The following BICDL1 variants were observed in gnomAD, a reference collection of about 807,000 sequenced individuals.
The protein encoded by BICDL1 is BICD family-like cargo adapter 1.
Under a neutral mutation model 76.8 loss-of-function variants are expected in BICDL1, and 20 were observed. The observed-to-expected ratio is 0.26, with a 90% confidence interval of 0.18 to 0.38. BICDL1 has a LOEUF of 0.38. BICDL1 is among the 10% of genes least tolerant of loss of function. The pLI, the probability that BICDL1 is intolerant of heterozygous loss-of-function variation, is 1.00. For missense variants in BICDL1, 700 were observed against 798.6 expected, an observed-to-expected ratio of 0.88 and a Z score of 1.49; for synonymous variants, 383 against 337.1, an observed-to-expected ratio of 1.14 and a Z score of -1.49.
intron 8 of BICDL1, among the ~76,000 whole-genome samples, chr12:120,087,673 G>A (rs1388152609): frequency 6.6e-6 from 1 of 152,242 alleles, no homozygotes; most frequent in African/African-American, 2.4e-5. Context: ...CGTTTCTGCA[G>A]TTGGGCAACC....
chr12:120,060,236 T>G (rs1337392405), intron 2 of BICDL1, among the ~76,000 whole-genome samples: 3 of 152,240 alleles, frequency 2.0e-5, no homozygotes, highest in Non-Finnish European at 4.4e-5. Flanking sequence ...TTGAGAAGTC[T>G]AAAACAGCCT....
chr12:119,998,116 C>T (rs894841016), intron 1 of BICDL1, among the ~76,000 whole-genome samples: 5 of 152,002 alleles, frequency 3.3e-5, no homozygotes, highest in Non-Finnish European at 7.4e-5. Context: ...CACTGCACTC[C>T]AGCCTGGGCG....
chr12:120,018,957 A>G (rs2138701449), intron 2 of BICDL1: 1 of 150,022 alleles, frequency 6.7e-6, no homozygotes, highest in Non-Finnish European at 1.5e-5. Context: ...AGGCAGGAGA[A>G]TGGCGTGAAC....
chr12:120,005,818 A>G (rs775794930), intron 2 of BICDL1, among the ~76,000 whole-genome samples: 2 of 152,226 alleles, frequency 1.3e-5, no homozygotes, highest in Non-Finnish European at 2.9e-5. Flanking sequence ...CAGCTATGCC[A>G]TTGAAGGGCA....
rs191312184 is a variant in BICDL1, at chr12:120,090,644, C to G, written c.1704+573C>G. On this transcript the variant is annotated intron_variant, in intron 9 of 9. Coordinates refer to ENST00000548673, the MANE Select transcript of BICDL1 (RefSeq NM_001367886.1). ...TTTTGTTCGTGAGGTTGAGGTAGCA[C>G]AGTTTTAGGATATGGGTATAAACAT... The G allele has an allele frequency of 1.4e-3, 500 of 355,616 alleles. 2 individuals carry two copies. The highest frequency in any genetic ancestry group is 2.5e-3 in the Non-Finnish European group (449 of 181,562). The allele number at this position is 355,616 out of a possible 1,614,324, so 22.0% of individuals were successfully genotyped here. A position where few individuals can be genotyped will look rare whatever the true frequency, so the allele number is the denominator to read the frequency against.
chr12:120,089,894 G>A (rs1368746648), intron 8 of BICDL1, 57 bp from the exon 9 acceptor site: 1 of 1,594,226 alleles, frequency 6.3e-7, no homozygotes, highest in Non-Finnish European at 8.6e-7. Context: ...CCCAAGTAAA[G>A]ACCAAGATGC....
Position 119,997,236 on chromosome 12 carries a change from G to A in BICDL1, c.430-1285G>A, listed in dbSNP as rs951385849. On this transcript the variant is annotated intron_variant, in intron 1 of 9. Transcript: ENST00000548673. ...GCTGGGATTACAGGCGTGTGCCACC[G>A]CGCCTGGCCACAAAAAGATGTTTTT... Among the ~76,000 whole-genome samples the A allele has an allele frequency of 7.9e-5, 12 of 152,128 alleles. No homozygotes were observed. In the South Asian group the frequency reaches 8.3e-4, roughly 10 times the overall value.
At chr12:120,092,602 T>A (rs1875072328) in intron 9 of BICDL1, 2 of 985,332 alleles carry the variant, frequency 2.0e-6, no homozygotes, top group Non-Finnish European at 2.4e-6. Flanking sequence ...CTGCCGGGGC[T>A]GGGGGTGGCA....
chr12:120,078,549 T>TA (rs1873740029), intron 7 of BICDL1, among the ~76,000 whole-genome samples: 1 of 152,198 alleles, frequency 6.6e-6, no homozygotes, highest in South Asian at 2.1e-4. Flanking sequence ...GAGTAGAGCT[T>TA]ACAACCACAT....
At chr12:120,026,856 C>T (rs568525120) in intron 2 of BICDL1, among the ~76,000 whole-genome samples, 2 of 152,204 alleles carry the variant, frequency 1.3e-5, no homozygotes, top group Non-Finnish European at 2.9e-5. Context: ...TGTGGCATGA[C>T]AAAGACTTGG....
chr12:120,030,060 A>G (rs1036337174), intron 2 of BICDL1, among the ~76,000 whole-genome samples: 8 of 152,246 alleles, frequency 5.3e-5, no homozygotes, highest in Non-Finnish European at 1.2e-4. Flanking sequence ...AGCGTACAAC[A>G]TGATGAGTTG....
intron 2 of BICDL1, among the ~76,000 whole-genome samples, chr12:120,002,496 T>C (rs1366009331): frequency 6.6e-6 from 1 of 152,186 alleles, no homozygotes; most frequent in East Asian, 1.9e-4. Context: ...CCTTTGGCCA[T>C]ATGACTAAGA....
rs199508010 is a variant in BICDL1 at position 120,072,668 on chromosome 12, G to C, written c.1247G>C (p.Arg416Pro). 10 of 1,613,982 alleles carry C rather than the reference G, an allele frequency of 6.2e-6. No homozygotes were observed. The highest frequency in any genetic ancestry group is 7.6e-6 in the Non-Finnish European group (9 of 1,180,040). ...AAGGATGTGCCAGCCGGCAGCTTGC[G>C]CACTGCCCTCAATGAGCTCAAGAGA... ...SAKDVPAGSL[R>P]TALNELKRLI... The change falls in exon 6 of 10, where the codon CGC (arginine) becomes CCC (proline). Residue 416 changes from arginine to proline, a missense_variant. Physicochemically the swap from Arg to Pro is moderately radical, Grantham distance 103. This residue lies in a region of BICDL1 where 455 missense variants were observed against 548.7 expected (regional missense o/e 0.83). Transcript: ENST00000548673.
At chr12:120,028,192 G>A (rs970910242) in intron 2 of BICDL1, among the ~76,000 whole-genome samples, 10 of 152,122 alleles carry the variant, frequency 6.6e-5, no homozygotes, top group African/African-American at 2.2e-4. Flanking sequence ...CATTATCTGG[G>A]ACTACACACT....
chr12:120,063,607 T>C (rs1020985936), intron 3 of BICDL1, among the ~76,000 whole-genome samples: 1 of 152,166 alleles, frequency 6.6e-6, no homozygotes, highest in Admixed American at 6.5e-5. Flanking sequence ...CTTGCACAAG[T>C]AAAAGCCTTA....
At chr12:120,018,214 A>AT (rs767427653) in intron 2 of BICDL1, among the ~76,000 whole-genome samples, 5 of 152,182 alleles carry the variant, frequency 3.3e-5, no homozygotes, top group Admixed American at 1.3e-4. Flanking sequence ...GGGCATCTAG[A>AT]TTTTTAAAAG....
At chr12:120,014,847 TA>T (rs918772699) in intron 2 of BICDL1, among the ~76,000 whole-genome samples, 11 of 151,164 alleles carry the variant, frequency 7.3e-5, no homozygotes, top group African/African-American at 2.7e-4. Context: ...AATTAAAAAA[TA>T]AAAAAAATTA....
At chr12:120,051,361 T>A (rs1342450361) in intron 2 of BICDL1, among the ~76,000 whole-genome samples, 2 of 152,234 alleles carry the variant, frequency 1.3e-5, no homozygotes, top group Non-Finnish European at 1.5e-5. Context: ...GAGATATTTT[T>A]AATCTTTTAT....
At chr12:120,044,279 C>T (rs1471197203) in intron 2 of BICDL1, among the ~76,000 whole-genome samples, 1 of 152,132 alleles carries the variant, frequency 6.6e-6, no homozygotes, top group African/African-American at 2.4e-5. Context: ...AAGAAGTCTC[C>T]TGGTGAGCCA....
Sources: allele counts gnomAD v4.1 joint callset (sites outside exome capture counted in the v4.1 genomes callset), GRCh38; gene constraint gnomAD v4.1.1; regional missense constraint gnomAD v4.1.1; transcripts MANE v1.5; gene names NCBI Gene and HGNC (gene_info 2026-07-23, HGNC 2026-07-21).